The following PDZRN4 variants were observed in gnomAD, a reference collection of about 807,000 sequenced individuals.
The protein encoded by PDZRN4 is PDZ domain-containing RING finger protein 4.
In PDZRN4, 70 loss-of-function variants were observed where a neutral mutation model predicts 99.0. The ratio of observed to expected loss-of-function variants is 0.71; its 90% confidence interval spans 0.58 to 0.86. The LOEUF is 0.86. Ranked by LOEUF, PDZRN4 falls within the 40% of genes least tolerant of loss-of-function variation. The pLI is 0.00. For missense variants in PDZRN4, 1,474 were observed against 1,331.2 expected (o/e 1.11, Z -1.67); for synonymous variants, 551 against 501.6 (o/e 1.10, Z -1.32).
chr12:41,473,728 C>G (rs1425113381), intron 3 of PDZRN4, among the ~76,000 whole-genome samples: 1 of 152,226 alleles, frequency 6.6e-6, no homozygotes, highest in Non-Finnish European at 1.5e-5. Context: ...CCCGCTATCT[C>G]CAACATCTGA....
At chr12:41,426,306 C>T (rs1350028917) in intron 3 of PDZRN4, among the ~76,000 whole-genome samples, 1 of 152,132 alleles carries the variant, frequency 6.6e-6, no homozygotes, top group Non-Finnish European at 1.5e-5. Flanking sequence ...ATCCTAGAAG[C>T]TAAATCCCAG....
intron 3 of PDZRN4, among the ~76,000 whole-genome samples, chr12:41,227,900 CACACACACACACACACACA>C (rs1951005017): frequency 2.0e-5 from 3 of 151,688 alleles, no homozygotes; most frequent in Non-Finnish European, 2.9e-5. Context: ...CACACACACA[CACACACACACACACACACA>C]CCAGAAGGGT....
At chr12:41,520,469 A>T (rs1374004855) in intron 5 of PDZRN4, among the ~76,000 whole-genome samples, 4 of 152,108 alleles carry the variant, frequency 2.6e-5, no homozygotes, top group Admixed American at 2.0e-4. Context: ...CTCGAAAAGG[A>T]TTTAGAACTG....
At chr12:41,334,469 AG>A (rs1951760907) in intron 3 of PDZRN4, among the ~76,000 whole-genome samples, 1 of 151,592 alleles carries the variant, frequency 6.6e-6, no homozygotes, top group Admixed American at 6.6e-5. Context: ...TAGTTTGCTG[AG>A]ATCCTTCTCT....
intron 3 of PDZRN4, among the ~76,000 whole-genome samples, chr12:41,426,012 G>A (rs1952533406): frequency 6.6e-6 from 1 of 152,178 alleles, no homozygotes; most frequent in African/African-American, 2.4e-5. Context: ...TGATGATAAA[G>A]CACTTAGGGC....
intron 3 of PDZRN4, among the ~76,000 whole-genome samples, chr12:41,498,260 A>C (rs1938046467): frequency 6.6e-6 from 1 of 152,140 alleles, no homozygotes; most frequent in Non-Finnish European, 1.5e-5. Context: ...ATTCCTGCTC[A>C]AAATACATAA....
At chr12:41,246,030 C>T (rs1309887113) in intron 3 of PDZRN4, among the ~76,000 whole-genome samples, 1 of 152,066 alleles carries the variant, frequency 6.6e-6, no homozygotes, top group African/African-American at 2.4e-5. Context: ...GATTTTAAGT[C>T]TTCAAAATTT....
chr12:41,462,046 C>T (rs865933471), intron 3 of PDZRN4, among the ~76,000 whole-genome samples: 1 of 152,180 alleles, frequency 6.6e-6, no homozygotes, highest in Non-Finnish European at 1.5e-5. Flanking sequence ...ATTACATTCG[C>T]TCTGATATGA....
chr12:41,573,318 G>C lies in PDZRN4; in HGVS notation c.2539G>C (p.Ala847Pro). 6.2e-7 allele frequency: 1 copy of C among 1,613,162 alleles called. No individual in the cohort carries two copies. Among genetic ancestry groups the C allele is most frequent in the Non-Finnish European group, 8.5e-7 (1 of 1,179,986 alleles). Residue 847 changes from alanine to proline, a missense_variant, in exon 10 of 10, where the codon GCC (alanine) becomes CCC (proline). Coordinates refer to ENST00000402685, the MANE Select transcript of PDZRN4 (RefSeq NM_001164595.2). ...TAGATATGCAAACATCCCAGCACAC[G>C]CCCGGCATTATCAAAGCTACATGCA... Reference protein sequence around the residue: ...SYRYANIPAHARHYQSYMQLI... With the variant: ...SYRYANIPAHPRHYQSYMQLI...
At chr12:41,354,568 G>A (rs942055762) in intron 3 of PDZRN4, among the ~76,000 whole-genome samples, 11 of 151,992 alleles carry the variant, frequency 7.2e-5, no homozygotes, top group Non-Finnish European at 1.5e-5. Flanking sequence ...ATAAATGAAG[G>A]AGAACAAGAA....
At chr12:41,488,260 A>G (rs1322925162) in intron 3 of PDZRN4, among the ~76,000 whole-genome samples, 1 of 152,174 alleles carries the variant, frequency 6.6e-6, no homozygotes, top group Non-Finnish European at 1.5e-5. Flanking sequence ...GAGCACATGG[A>G]ATCTCGAACA....
chr12:41,291,612 G>T (rs1450776763), intron 3 of PDZRN4, among the ~76,000 whole-genome samples: 1 of 152,086 alleles, frequency 6.6e-6, no homozygotes, highest in African/African-American at 2.4e-5. Flanking sequence ...AACACAGTAG[G>T]TGCTCAATAC....
intron 3 of PDZRN4, among the ~76,000 whole-genome samples, chr12:41,481,384 T>A (rs34753427): frequency 0.062 from 9,461 of 152,142 alleles, 393 homozygotes; most frequent in Non-Finnish European, 0.093. Flanking sequence ...AAGCTACATA[T>A]ACTTCTTTGC....
chr12:41,276,646 C>T (rs1394899157), intron 3 of PDZRN4, among the ~76,000 whole-genome samples: 2 of 152,070 alleles, frequency 1.3e-5, no homozygotes, highest in African/African-American at 4.8e-5. Context: ...ATAAAACTTA[C>T]CCAAAGTCAC....
At chr12:41,390,915 G>T (rs569495205) in intron 3 of PDZRN4, among the ~76,000 whole-genome samples, 1 of 152,278 alleles carries the variant, frequency 6.6e-6, no homozygotes, top group Non-Finnish European at 1.5e-5. Flanking sequence ...GATGTAGGAA[G>T]AAAATATGAT....
At chr12:41,406,203 A>G (rs1421220042) in intron 3 of PDZRN4, among the ~76,000 whole-genome samples, 1 of 152,198 alleles carries the variant, frequency 6.6e-6, no homozygotes, top group Non-Finnish European at 1.5e-5. Context: ...TACAAGTACT[A>G]GATAAGTCTA....
At chr12:41,373,846 A>G (rs1037505700) in intron 3 of PDZRN4, among the ~76,000 whole-genome samples, 2 of 152,198 alleles carry the variant, frequency 1.3e-5, no homozygotes, top group Non-Finnish European at 2.9e-5. Flanking sequence ...ATTGCAGTAA[A>G]GACAGGCATA....
At chr12:41,567,998 A>G (rs2120849168) in intron 9 of PDZRN4, 99 bp downstream of exon 9, 1 of 693,734 alleles carries the variant, frequency 1.4e-6, no homozygotes, top group East Asian at 2.6e-5. Flanking sequence ...AAAGGGTTTA[A>G]TCCATCATCT....
At position 41,334,365 on chromosome 12, in the gene PDZRN4, C is replaced by T. The variant is rs543451904; in HGVS notation, c.843+140177C>T. Among the ~76,000 whole-genome samples the T allele has an allele frequency of 5.0e-5, 7 of 140,230 alleles. No individual in the cohort carries two copies. In the Admixed American group the frequency reaches 5.3e-4, roughly 11 times the overall value. The allele number at this position is 140,230 out of a possible 152,430, so 92.0% of individuals were successfully genotyped here. ...AATATAATGAAGCTTTAGAAGTATT[C>T]AGTGGGGAACATTAATGAAAAGTTA... On this transcript the variant is annotated intron_variant, in intron 3 of 9. Coordinates refer to ENST00000402685, the MANE Select transcript of PDZRN4 (RefSeq NM_001164595.2).
Sources: gnomAD v4.1 joint callset for allele counts (sites outside exome capture counted in the v4.1 genomes callset) on GRCh38, gnomAD v4.1.1 for gene constraint, MANE v1.5 for transcripts, NCBI Gene and HGNC (gene_info 2026-07-23, HGNC 2026-07-21) for gene names.